ATP8A2: variants seen among roughly 807,000 people sequenced by gnomAD.
ATP8A2 encodes phospholipid-transporting ATPase IB.
In ATP8A2, 100 loss-of-function variants were observed where a neutral mutation model predicts 165.6. The observed-to-expected ratio is 0.60, with a 90% CI of 0.51 to 0.71. The LOEUF is 0.71. Among genes scored for constraint, ATP8A2 ranks in the 30% least tolerant of loss-of-function variants. The pLI, the probability that ATP8A2 is intolerant of heterozygous loss-of-function variation, is 0.00. For synonymous variants in ATP8A2, 543 were observed against 548.8 expected (o/e 0.99, Z 0.15); for missense variants, 1,227 against 1,479.5 (o/e 0.83, Z 2.80).
At chr13:25,856,348 T>G (rs1362671289) in intron 30 of ATP8A2, among the ~76,000 whole-genome samples, 2 of 152,082 alleles carry the variant, frequency 1.3e-5, no homozygotes, top group Non-Finnish European at 2.9e-5. Flanking sequence ...CGTGTACACA[T>G]GGACATGGAG....
At position 25,898,908 on chromosome 13, in the gene ATP8A2, A is replaced by AT. The variant is rs371505703; in HGVS notation, c.3183+36504dup. On this transcript the variant is annotated intron_variant, in intron 33 of 36. Coordinates refer to ENST00000381655, the MANE Select transcript of ATP8A2 (RefSeq NM_016529.6). ...GCAGTATTAGGGTGGGAGTGACCCG[A>AT]TTTTCCAGGTGCTGTTTGTCACCCC... Among the ~76,000 whole-genome samples the AT allele has an allele frequency of 4.7e-4, 71 of 152,186 alleles. No homozygotes were observed. In the East Asian group the frequency reaches 0.012, roughly 27 times the overall value.
At chr13:25,843,350 C>T (rs1156713044) in intron 30 of ATP8A2, among the ~76,000 whole-genome samples, 4 of 152,164 alleles carry the variant, frequency 2.6e-5, no homozygotes, top group Non-Finnish European at 4.4e-5. Context: ...CTGGAAAAAA[C>T]AGTAACCTCC....
intron 24 of ATP8A2, among the ~76,000 whole-genome samples, chr13:25,650,653 A>G (rs192799125): frequency 2.0e-5 from 3 of 152,170 alleles, no homozygotes; most frequent in Admixed American, 6.5e-5. Context: ...TTTAAGGATG[A>G]TGCTTATTGT....
intron 24 of ATP8A2, among the ~76,000 whole-genome samples, chr13:25,669,649 C>G (rs1047723026): frequency 6.6e-6 from 1 of 152,236 alleles, no homozygotes; most frequent in Non-Finnish European, 1.5e-5. Flanking sequence ...CCTTCTTAGC[C>G]TCTGCCTTCC....
intron 1 of ATP8A2, among the ~76,000 whole-genome samples, chr13:25,407,046 T>G (rs2033823269): frequency 6.6e-6 from 1 of 152,200 alleles, no homozygotes; most frequent in Non-Finnish European, 1.5e-5. Context: ...AAGGGCCACT[T>G]AAAGATACCA....
intron 2 of ATP8A2, among the ~76,000 whole-genome samples, chr13:25,488,846 T>C (rs1312668154): frequency 6.6e-6 from 1 of 151,590 alleles, no homozygotes; most frequent in African/African-American, 2.4e-5. Context: ...GTATAAATGA[T>C]TAAAGGAAAT....
intron 35 of ATP8A2, among the ~76,000 whole-genome samples, chr13:25,995,019 G>A (rs963233764): frequency 3.9e-5 from 6 of 151,954 alleles, no homozygotes; most frequent in African/African-American, 1.4e-4. Context: ...AATATTTAGA[G>A]AGCTATTAAA....
At chr13:25,777,620 T>G (rs2044771587) in intron 27 of ATP8A2, among the ~76,000 whole-genome samples, 1 of 152,208 alleles carries the variant, frequency 6.6e-6, no homozygotes, top group South Asian at 2.1e-4. Flanking sequence ...TAACTACTAA[T>G]CACTTAAAAA....
intron 1 of ATP8A2, among the ~76,000 whole-genome samples, chr13:25,428,330 C>T (rs184194669): frequency 6.6e-6 from 1 of 152,266 alleles, no homozygotes; most frequent in Admixed American, 6.5e-5. Context: ...TTGGTGCCAC[C>T]ATTACCACAC....
At chr13:25,594,374 G>A (rs1052434120) in intron 24 of ATP8A2, among the ~76,000 whole-genome samples, 2 of 152,114 alleles carry the variant, frequency 1.3e-5, no homozygotes, top group African/African-American at 4.8e-5. Context: ...AATATGGGTG[G>A]AAGACCTATA....
At chr13:25,529,467 G>A (rs2037959972) in intron 2 of ATP8A2, among the ~76,000 whole-genome samples, 2 of 152,138 alleles carry the variant, frequency 1.3e-5, no homozygotes, top group South Asian at 4.1e-4. Flanking sequence ...AATTTGACCA[G>A]ACTTACTGAA....
intron 33 of ATP8A2, among the ~76,000 whole-genome samples, chr13:25,918,949 G>A (rs1954353178): frequency 6.6e-6 from 1 of 152,198 alleles, no homozygotes. Flanking sequence ...GCAAGAAAAG[G>A]TAGTTTAAAA....
At chr13:25,850,415 C>T (rs1165279117) in intron 30 of ATP8A2, among the ~76,000 whole-genome samples, 5 of 149,924 alleles carry the variant, frequency 3.3e-5, no homozygotes, top group Non-Finnish European at 4.4e-5. Context: ...TTTCCACCTC[C>T]GCGCCCAATA....
chr13:25,567,450 T>C, intron 16 of ATP8A2: 1 of 453,934 alleles, frequency 2.2e-6, no homozygotes, highest in Non-Finnish European at 4.4e-6. Context: ...TCTGCCCTCC[T>C]GAGCCAAATT....
chr13:25,475,234 A>G (rs1209920464), intron 2 of ATP8A2, among the ~76,000 whole-genome samples: 3 of 152,114 alleles, frequency 2.0e-5, no homozygotes, highest in African/African-American at 4.8e-5. Context: ...ATGAGTTCTC[A>G]TCATTTAGCT....
Position 25,731,542 on chromosome 13 carries a change from G to A in ATP8A2, c.2384+32197G>A, listed in dbSNP as rs114121297. Reference sequence around the variant, plus strand: ...GGCCAAAGAATGCTTTTTATTTGGGGTAAATGTTGTCCAGCCTTAAATTTT... The same window carrying A: ...GGCCAAAGAATGCTTTTTATTTGGGATAAATGTTGTCCAGCCTTAAATTTT... On this transcript the variant is annotated intron_variant, in intron 25 of 36. Transcript: ENST00000381655. Among the ~76,000 whole-genome samples, 691 of 152,252 alleles carry A rather than the reference G, an allele frequency of 4.5e-3. 7 individuals are homozygous for A. Among genetic ancestry groups the A allele is most frequent in the African/African-American group, 0.016 (670 of 41,532 alleles).
At chr13:25,998,705 G>A (rs751726022) in intron 35 of ATP8A2, among the ~76,000 whole-genome samples, 3 of 152,156 alleles carry the variant, frequency 2.0e-5, no homozygotes, top group South Asian at 2.1e-4. Context: ...GGAAAGTTGG[G>A]TCCAGGGAGG....
intron 33 of ATP8A2, among the ~76,000 whole-genome samples, chr13:25,936,893 A>G (rs573480632): frequency 6.6e-6 from 1 of 152,288 alleles, no homozygotes; most frequent in East Asian, 1.9e-4. Context: ...TCTGTGGGCT[A>G]TGAAAGGGTT....
intron 23 of ATP8A2, among the ~76,000 whole-genome samples, chr13:25,585,905 A>G (rs186650134): frequency 6.6e-6 from 1 of 152,346 alleles, no homozygotes; most frequent in East Asian, 1.9e-4. Flanking sequence ...TGGGCAACTT[A>G]CATTCCACAC....
Sources: gnomAD v4.1 joint callset for allele counts (sites outside exome capture counted in the v4.1 genomes callset) on GRCh38, gnomAD v4.1.1 for gene constraint, MANE v1.5 for transcripts, NCBI Gene and HGNC (gene_info 2026-07-23, HGNC 2026-07-21) for gene names.